Variants in BBOX1 observed in about 807,000 individuals in gnomAD.
The protein encoded by BBOX1 is gamma-butyrobetaine hydroxylase 1, also known as gamma-butyrobetaine dioxygenase.
BBOX1 carries 35 observed loss-of-function variants against 41.6 expected under a neutral mutation model. The ratio of observed to expected loss-of-function variants is 0.84; its 90% CI spans 0.64 to 1.11. The LOEUF (loss-of-function observed/expected upper bound fraction) is 1.11. BBOX1 is among the 50% of genes most tolerant of loss of function. The pLI, the probability that BBOX1 is intolerant of heterozygous loss-of-function variation, is 0.00. For missense variants in BBOX1, 458 were observed against 460.6 expected, an observed-to-expected ratio of 0.99 and a Z score of 0.05; for synonymous variants, 163 against 154.7, an observed-to-expected ratio of 1.05 and a Z score of -0.40.
At chr11:27,104,599 T>C (rs1003173934) in intron 5 of BBOX1, among the ~76,000 whole-genome samples, 2 of 152,162 alleles carry the variant, frequency 1.3e-5, no homozygotes, top group African/African-American at 4.8e-5. Context: ...TAAGAGCTAT[T>C]CTAGATATCG....
Position 27,088,525 on chromosome 11 carries a change from G to C in BBOX1, c.335-4643G>C, listed in dbSNP as rs1374371709. 2.0e-5 allele frequency among the ~76,000 whole-genome samples: 3 copies of C among 151,812 alleles called. No individual in the cohort carries two copies. In the East Asian group the frequency reaches 5.8e-4, roughly 29 times the overall value. ...ATTTAAAATTCTGACTAGGAGCCAA[G>C]GTTTATCTTTAAACACCCATGCTTG... On this transcript the variant is annotated intron_variant, in intron 4 of 8. Transcript: ENST00000263182.
In BBOX1 at chr11:27,061,694, A is replaced by G. The variant is rs377626927; in HGVS notation, c.334+4379A>G. On this transcript the variant is annotated intron_variant, in intron 4 of 8. Transcript: ENST00000263182. ...AAAATCTGGAATCAAGATGCAGACA[A>G]TTTTTCCTTGATCTTCCCCCTGGCA... Among the ~76,000 whole-genome samples, 83 of 152,230 alleles carry G rather than the reference A, an allele frequency of 5.5e-4. No homozygotes were observed. The South Asian group carries it at 0.014, about 25-fold the overall frequency.
Position 27,093,296 on chromosome 11 carries a change from G to A in BBOX1, c.463G>A (p.Ala155Thr). ...AGTAGGCATAGTAAGACTCACCGGA[G>A]CATCTGACAAACCAGGAGAAGTTTC... ...KKVGIVRLTG[A>T]SDKPGEVSKL... The change falls in exon 5 of 9, where the codon GCA becomes ACA. Residue 155 changes from alanine (A) to threonine (T), a missense_variant. Physicochemically the swap from Ala to Thr is moderately conservative, Grantham distance 58. Coordinates refer to ENST00000263182, the MANE Select transcript of BBOX1 (RefSeq NM_003986.3). 5 of 1,612,552 alleles carry A rather than the reference G, an allele frequency of 3.1e-6. No individual in the cohort carries two copies. Among genetic ancestry groups the A allele is most frequent in the Non-Finnish European group, 4.2e-6 (5 of 1,179,040 alleles).
chr11:27,061,988 T>G (rs1468926218), intron 4 of BBOX1, among the ~76,000 whole-genome samples: 1 of 152,174 alleles, frequency 6.6e-6, no homozygotes, highest in African/African-American at 2.4e-5. Context: ...TATAAGACAT[T>G]ACTTGAAGTA....
chr11:27,126,478 T>G (rs1859656554), intron 8 of BBOX1, among the ~76,000 whole-genome samples: 1 of 152,164 alleles, frequency 6.6e-6, no homozygotes, highest in African/African-American at 2.4e-5. Context: ...AGTGTAGTTT[T>G]GGGTAAATTC....
In BBOX1 at chr11:27,092,649, G is replaced by A. The variant is rs1464126261; in HGVS notation, c.335-519G>A. Among the ~76,000 whole-genome samples the A allele has an allele frequency of 2.6e-5, 4 of 151,886 alleles. No individual in the cohort carries two copies. The East Asian group carries it at 7.7e-4, about 29-fold the overall frequency. ...TCTTGCTGACCCCAAAGGATCACTT[G>A]ATCCCAGAGGTTGCTTCTTAACAGG... On this transcript the variant is annotated intron_variant, in intron 4 of 8. Transcript: ENST00000263182.
At chr11:27,110,517 A>G (rs1324373777) in intron 5 of BBOX1, among the ~76,000 whole-genome samples, 8 of 151,878 alleles carry the variant, frequency 5.3e-5, no homozygotes, top group Non-Finnish European at 7.4e-5. Context: ...TACACTAAAC[A>G]TACTCCGAAC....
intron 7 of BBOX1, among the ~76,000 whole-genome samples, chr11:27,121,441 C>T (rs1444464554): frequency 3.3e-5 from 5 of 151,982 alleles, no homozygotes; most frequent in Non-Finnish European, 5.9e-5. Context: ...AATGGGTCAC[C>T]CTGACTGCTA....
chr11:27,064,324 C>G (rs1857219461), intron 4 of BBOX1, among the ~76,000 whole-genome samples: 1 of 152,058 alleles, frequency 6.6e-6, no homozygotes, highest in African/African-American at 2.4e-5. Flanking sequence ...ACATCATCTT[C>G]CGAAATGCAT....
intron 6 of BBOX1, among the ~76,000 whole-genome samples, chr11:27,118,649 C>A (rs1859347575): frequency 6.6e-6 from 1 of 151,538 alleles, no homozygotes; most frequent in Admixed American, 6.6e-5. Context: ...ACATGACAGG[C>A]ATGTATTTGC....
intron 5 of BBOX1, among the ~76,000 whole-genome samples, chr11:27,096,662 T>A (rs1326332075): frequency 6.6e-5 from 10 of 151,986 alleles, no homozygotes; most frequent in African/African-American, 2.4e-4. Context: ...GAATAGCTAT[T>A]TTTGGTTCTT....
At chr11:27,105,403 C>T (rs1330211026) in intron 5 of BBOX1, among the ~76,000 whole-genome samples, 1 of 152,066 alleles carries the variant, frequency 6.6e-6, no homozygotes, top group East Asian at 1.9e-4. Context: ...CTTAAATGAC[C>T]TGATGGAGCT....
chr11:27,122,379 A>G (rs928153932), intron 7 of BBOX1, among the ~76,000 whole-genome samples: 3 of 152,132 alleles, frequency 2.0e-5, no homozygotes, highest in African/African-American at 7.2e-5. Context: ...GAAAACAAAA[A>G]ATACTGCCAC....
At chr11:27,082,172 C>T (rs566081331) in intron 4 of BBOX1, among the ~76,000 whole-genome samples, 5 of 152,200 alleles carry the variant, frequency 3.3e-5, no homozygotes, top group African/African-American at 9.6e-5. Flanking sequence ...CAGCAGGCCC[C>T]ACCTCCAATA....
chr11:27,078,302 T>A (rs896373624), intron 4 of BBOX1, among the ~76,000 whole-genome samples: 2 of 152,300 alleles, frequency 1.3e-5, no homozygotes, highest in African/African-American at 4.8e-5. Flanking sequence ...CATATACAAA[T>A]GAAAACATAC....
chr11:27,095,334 C>G (rs1001805039), intron 5 of BBOX1, among the ~76,000 whole-genome samples: 10 of 151,818 alleles, frequency 6.6e-5, no homozygotes, highest in Non-Finnish European at 1.5e-4. Context: ...CCCTGCAAAA[C>G]CATCACACTA....
intron 5 of BBOX1, among the ~76,000 whole-genome samples, chr11:27,102,004 C>T (rs1343978045): frequency 6.6e-6 from 1 of 150,812 alleles, no homozygotes; most frequent in Non-Finnish European, 1.5e-5. Flanking sequence ...TTCTCCTACT[C>T]CCATCCCTTG....
intron 5 of BBOX1, among the ~76,000 whole-genome samples, chr11:27,097,267 T>G (rs1364236713): frequency 5.3e-5 from 8 of 152,020 alleles, no homozygotes; most frequent in Non-Finnish European, 1.2e-4. Flanking sequence ...TGGAGCCCTT[T>G]TAGGAAAGGT....
intron 7 of BBOX1, among the ~76,000 whole-genome samples, chr11:27,122,765 T>C (rs1316102254): frequency 6.6e-6 from 1 of 151,982 alleles, no homozygotes; most frequent in Non-Finnish European, 1.5e-5. Context: ...CTGTGGAAGA[T>C]CATTTTAAAA....
Sources: gnomAD v4.1 joint callset for allele counts (sites outside exome capture counted in the v4.1 genomes callset) on GRCh38, gnomAD v4.1.1 for gene constraint, MANE v1.5 for transcripts, NCBI Gene and HGNC (gene_info 2026-07-23, HGNC 2026-07-21) for gene names.